The following ABCA8 variants were observed in gnomAD, a reference collection of about 807,000 sequenced individuals.
ABCA8 encodes the protein ABC-type organic anion transporter ABCA8.
ABCA8 carries 177 observed loss-of-function variants against 192.3 expected under a neutral mutation model. The ratio of observed to expected loss-of-function variants is 0.92; its 90% CI spans 0.81 to 1.04. ABCA8 has a LOEUF of 1.04. ABCA8 is among the 50% of genes least tolerant of loss of function. ABCA8 has a pLI of 0.00. For missense variants in ABCA8, 1,915 were observed against 1,904.8 expected (o/e 1.01, Z -0.10); for synonymous variants, 642 against 690.2 (o/e 0.93, Z 1.09).
intron 24 of ABCA8, among the ~76,000 whole-genome samples, chr17:68,890,580 G>A (rs536072376): frequency 2.0e-4 from 30 of 152,110 alleles, no homozygotes; most frequent in Admixed American, 6.5e-4. Flanking sequence ...GTGCAGTGGC[G>A]CAATCTCAGC....
At chr17:68,883,932 C>G in intron 28 of ABCA8, 50 bp from the exon 29 acceptor site, 1 of 1,198,978 alleles carries the variant, frequency 8.3e-7, no homozygotes, top group Non-Finnish European at 1.2e-6. Context: ...GATAATTGTT[C>G]AATATCAAAG....
At chr17:68,954,221 G>A (rs2068651647) in intron 1 of ABCA8, among the ~76,000 whole-genome samples, 1 of 110,268 alleles carries the variant, frequency 9.1e-6, no homozygotes, top group Admixed American at 1.2e-4. Context: ...AGAGTGTGAT[G>A]TTTCCCTACA....
chr17:68,935,017 A>G (rs2068015827), intron 5 of ABCA8, among the ~76,000 whole-genome samples: 1 of 151,408 alleles, frequency 6.6e-6, no homozygotes, highest in African/African-American at 2.4e-5. Context: ...TATTTATTCA[A>G]AGTAAATATT....
In ABCA8 at chr17:68,941,946, G is replaced by T; in HGVS notation, c.89C>A (p.Ser30Tyr). 1 of 1,603,490 alleles carries T rather than the reference G, an allele frequency of 6.2e-7. No homozygotes were observed. The highest frequency in any genetic ancestry group is 8.5e-7 in the Non-Finnish European group (1 of 1,170,972). Reference protein sequence around the residue: ...FLKKWRMKRESLMEWLNSLLL... With the variant: ...FLKKWRMKREYLMEWLNSLLL... Reference sequence around the variant, plus strand: ...ACGGATATTGAGTCATACCATTAAGGACTCTCTTTTCATTCTCCATTTTTT... The same window carrying T: ...ACGGATATTGAGTCATACCATTAAGTACTCTCTTTTCATTCTCCATTTTTT... Residue 30 changes from serine to tyrosine, a missense_variant, in exon 3 of 40, where the codon TCC (serine) becomes TAC (tyrosine). Coordinates refer to ENST00000586539, the MANE Select transcript of ABCA8 (RefSeq NM_001288985.2).
At chr17:68,924,936 T>C (rs2067656762) in intron 10 of ABCA8, 67 bp from the exon 11 acceptor site, 2 of 1,525,540 alleles carry the variant, frequency 1.3e-6, no homozygotes, top group African/African-American at 1.4e-5. Context: ...GTCACAGTAA[T>C]GTAGCACGGC....
intron 18 of ABCA8, among the ~76,000 whole-genome samples, chr17:68,906,567 G>T (rs1335739227): frequency 6.6e-6 from 1 of 152,044 alleles, no homozygotes; most frequent in Admixed American, 6.6e-5. Flanking sequence ...AAAAGGAAAG[G>T]AATTAATTTT....
At chr17:68,929,326 T>A (rs960823144) in intron 8 of ABCA8, 92 bp from the exon 9 acceptor site, 6 of 1,145,202 alleles carry the variant, frequency 5.2e-6, no homozygotes, top group Non-Finnish European at 7.2e-6. Context: ...TTATTTTGTG[T>A]ATGTAACAGT....
At chr17:68,931,031 T>G (rs1366990787) in intron 7 of ABCA8, among the ~76,000 whole-genome samples, 1 of 152,196 alleles carries the variant, frequency 6.6e-6, no homozygotes, top group Non-Finnish European at 1.5e-5. Flanking sequence ...TTCACCATCC[T>G]GTTTTGCCAG....
intron 2 of ABCA8, among the ~76,000 whole-genome samples, chr17:68,946,194 A>G (rs2068402494): frequency 6.6e-6 from 1 of 151,918 alleles, no homozygotes; most frequent in African/African-American, 2.4e-5. Context: ...CAGTCTCCCA[A>G]GTAGCAGGGA....
In ABCA8 at chr17:68,876,838, G is replaced by A. The variant is rs552489346; in HGVS notation, c.4200-135C>T. 8 of 995,004 alleles carry A rather than the reference G, an allele frequency of 8.0e-6. No individual in the cohort carries two copies. In the African/African-American group the frequency reaches 8.0e-5, roughly 10 times the overall value. The allele number at this position is 995,004 out of a possible 1,614,324, so 61.6% of individuals were successfully genotyped here. A position where few individuals can be genotyped will look rare whatever the true frequency, so the allele number is the denominator to read the frequency against. ...CATGTGGTCGGGGGGCAGGGAAGGA[G>A]GGGTGATATTACTGGCTGACTTGCT... On this transcript the variant is annotated intron_variant, in intron 33 of 39. Coordinates refer to ENST00000586539, the MANE Select transcript of ABCA8 (RefSeq NM_001288985.2).
chr17:68,952,757 T>C (rs887130053), intron 1 of ABCA8, among the ~76,000 whole-genome samples: 1 of 152,156 alleles, frequency 6.6e-6, no homozygotes, highest in Non-Finnish European at 1.5e-5. Context: ...AGTGGCATTA[T>C]ACTTCTATAG....
chr17:68,935,273 TGTGTGTGTGTGTGTGTGTGTTTCA>T (rs2068029230), intron 5 of ABCA8, among the ~76,000 whole-genome samples: 1 of 149,824 alleles, frequency 6.7e-6, no homozygotes, highest in Admixed American at 6.7e-5. Flanking sequence ...TGTGTGTGTG[TGTGTGTGTGTGTGTGTGTGTTTCA>T]GTAGAGACGG....
At chr17:68,868,259 C>T (rs2065964589) in intron 39 of ABCA8, 42 bp downstream of exon 39, 1 of 1,607,882 alleles carries the variant, frequency 6.2e-7, no homozygotes. Flanking sequence ...ATGTTTTATA[C>T]ACATATACCA....
intron 21 of ABCA8, among the ~76,000 whole-genome samples, chr17:68,895,626 C>G (rs974438174): frequency 6.6e-6 from 1 of 152,204 alleles, no homozygotes. Flanking sequence ...CTCCCCACTT[C>G]CTTCCCAGAT....
At chr17:68,909,007 TA>T (rs1355599619) in intron 17 of ABCA8, among the ~76,000 whole-genome samples, 1 of 152,198 alleles carries the variant, frequency 6.6e-6, no homozygotes, top group African/African-American at 2.4e-5. Flanking sequence ...CTTAAAAGAA[TA>T]TATGCTATTT....
intron 6 of ABCA8, 123 bp downstream of exon 6, chr17:68,933,045 T>C: frequency 1.4e-6 from 1 of 722,646 alleles, no homozygotes; most frequent in Non-Finnish European, 2.4e-6. Flanking sequence ...TTCAGTAAAC[T>C]TCAGAGTGAG....
chr17:68,936,161 CAGA>C (rs1157739565), intron 5 of ABCA8, among the ~76,000 whole-genome samples: 2 of 151,946 alleles, frequency 1.3e-5, no homozygotes, highest in African/African-American at 4.8e-5. Context: ...TTTTGCTTTG[CAGA>C]AGTTTTTTTT....
At chr17:68,880,855 C>T (rs917424775) in intron 32 of ABCA8, 18 of 463,300 alleles carry the variant, frequency 3.9e-5, no homozygotes, top group South Asian at 8.8e-5. Flanking sequence ...ATGAGCCCAG[C>T]GGGTCTGAGC....
intron 31 of ABCA8, 104 bp from the exon 32 acceptor site, chr17:68,881,315 C>T: frequency 1.2e-6 from 1 of 821,630 alleles, no homozygotes; most frequent in South Asian, 1.6e-5. Flanking sequence ...TATTAGTTGT[C>T]ATTTAATTGT....
Sources: gnomAD v4.1 joint callset for allele counts (sites outside exome capture counted in the v4.1 genomes callset) on GRCh38, gnomAD v4.1.1 for gene constraint, MANE v1.5 for transcripts, NCBI Gene and HGNC (gene_info 2026-07-23, HGNC 2026-07-21) for gene names.